SPEF2: variants seen among roughly 807,000 people sequenced by gnomAD.
The protein encoded by SPEF2 is sperm flagella and cilia-associated protein 2.
Under a neutral mutation model 224.6 loss-of-function variants are expected in SPEF2, and 187 were observed. That is an observed-to-expected ratio of 0.83 (90% CI 0.74 to 0.94). The LOEUF is 0.94. Among genes scored for constraint, SPEF2 ranks in the 40% least tolerant of loss-of-function variants. The pLI is 0.00. For missense variants in SPEF2, 2,170 were observed against 2,135.6 expected (o/e 1.02, Z -0.32); for synonymous variants, 715 against 707.3 (o/e 1.01, Z -0.17).
chr5:35,725,411 C>G (rs1482697785), intron 20 of SPEF2, among the ~76,000 whole-genome samples: 1 of 152,042 alleles, frequency 6.6e-6, no homozygotes, highest in Non-Finnish European at 1.5e-5. Flanking sequence ...AAAATAATGC[C>G]TTTCTTAAAA....
At chr5:35,728,919 T>C (rs958961058) in intron 21 of SPEF2, among the ~76,000 whole-genome samples, 1 of 151,940 alleles carries the variant, frequency 6.6e-6, no homozygotes, top group Non-Finnish European at 1.5e-5. Flanking sequence ...AAGCAAGATA[T>C]AGAAGTGGGT....
chr5:35,814,236 G>A (rs1356550516), intron 36 of SPEF2, among the ~76,000 whole-genome samples: 1 of 152,156 alleles, frequency 6.6e-6, no homozygotes, highest in African/African-American at 2.4e-5. Context: ...CCATTATTAG[G>A]TGTGGAAACT....
chr5:35,693,123 T>C (rs906882227), intron 12 of SPEF2, among the ~76,000 whole-genome samples: 2 of 151,974 alleles, frequency 1.3e-5, no homozygotes, highest in Non-Finnish European at 2.9e-5. Context: ...GGGTGGCATA[T>C]GATTGTTTTA....
chr5:35,735,148 T>G (rs1254888007), intron 21 of SPEF2, among the ~76,000 whole-genome samples: 1 of 152,220 alleles, frequency 6.6e-6, no homozygotes, highest in Non-Finnish European at 1.5e-5. Context: ...CCAGCAACTC[T>G]GCCTTATTCA....
chr5:35,747,121 T>C (rs1347858267), intron 23 of SPEF2, among the ~76,000 whole-genome samples: 1 of 152,144 alleles, frequency 6.6e-6, no homozygotes, highest in Non-Finnish European at 1.5e-5. Flanking sequence ...AAACAAATGC[T>C]GAGAGAATTT....
intron 9 of SPEF2, among the ~76,000 whole-genome samples, chr5:35,669,587 T>C (rs1750953605): frequency 6.6e-6 from 1 of 152,126 alleles, no homozygotes; most frequent in Admixed American, 6.6e-5. Flanking sequence ...TAGTAAAATG[T>C]CCGGAACTTA....
intron 10 of SPEF2, chr5:35,676,045 C>T (rs1751957771): frequency 4.4e-6 from 2 of 455,902 alleles, no homozygotes; most frequent in Non-Finnish European, 8.8e-6. Flanking sequence ...GTATCAAGTT[C>T]AAGACGTTAG....
intron 24 of SPEF2, among the ~76,000 whole-genome samples, chr5:35,757,261 T>G (rs369886155): frequency 6.6e-6 from 1 of 152,172 alleles, no homozygotes. Context: ...AATTATGCCT[T>G]CTAAAAATAA....
chr5:35,621,253 ATAAT>A (rs1743468564), intron 1 of SPEF2, among the ~76,000 whole-genome samples: 1 of 152,212 alleles, frequency 6.6e-6, no homozygotes. Flanking sequence ...AGAATAATAA[ATAAT>A]TAAAGTTATC....
chr5:35,651,171 T>C (rs1029371572), intron 6 of SPEF2, among the ~76,000 whole-genome samples: 1 of 152,212 alleles, frequency 6.6e-6, no homozygotes, highest in Non-Finnish European at 1.5e-5. Flanking sequence ...TTATATCTTA[T>C]TGGAGAGCAT....
intron 10 of SPEF2, among the ~76,000 whole-genome samples, chr5:35,683,104 A>G (rs1753065438): frequency 6.6e-6 from 1 of 152,174 alleles, no homozygotes; most frequent in African/African-American, 2.4e-5. Context: ...CAAAAAACTA[A>G]AAAGATATGA....
intron 36 of SPEF2, among the ~76,000 whole-genome samples, chr5:35,810,752 G>T (rs1420850375): frequency 1.3e-5 from 2 of 152,216 alleles, no homozygotes; most frequent in African/African-American, 4.8e-5. Context: ...CCACCCAGCA[G>T]CAGGGTGTCT....
At chr5:35,624,857 G>T (rs998276704) in intron 1 of SPEF2, among the ~76,000 whole-genome samples, 1 of 152,058 alleles carries the variant, frequency 6.6e-6, no homozygotes, top group South Asian at 2.1e-4. Context: ...GGCTGGTCTC[G>T]AACTCCTGAC....
At chr5:35,711,004 C>T (rs1436499532) in intron 19 of SPEF2, among the ~76,000 whole-genome samples, 2 of 152,172 alleles carry the variant, frequency 1.3e-5, no homozygotes, top group African/African-American at 2.4e-5. Context: ...GACAGCACTG[C>T]CCCTGCAGCT....
At position 35,617,893 on chromosome 5, in the gene SPEF2, C is replaced by T; in HGVS notation, c.-105C>T. The T allele has an allele frequency of 3.6e-6, 4 of 1,099,312 alleles. No individual in the cohort carries two copies. In the South Asian group the frequency reaches 4.0e-5, roughly 11 times the overall value. The allele number at this position is 1,099,312 out of a possible 1,614,324, so 68.1% of individuals were successfully genotyped here. On this transcript the variant is annotated 5_prime_UTR_variant, in exon 1 of 37. Coordinates refer to ENST00000356031, the MANE Select transcript of SPEF2 (RefSeq NM_024867.4). ...GCCTAGTTCCAGCCTGGATACGCTT[C>T]CATAGCAAAGGGTTGCCCTTGGCTA...
chr5:35,806,617 G>T (rs1758095890), intron 34 of SPEF2, 90 bp from the exon 35 acceptor site: 1 of 1,474,586 alleles, frequency 6.8e-7, no homozygotes, highest in African/African-American at 1.4e-5. Context: ...CATGAAAAGT[G>T]TGTGATTATG....
At chr5:35,742,882 T>C (rs1271939050) in intron 23 of SPEF2, among the ~76,000 whole-genome samples, 1 of 151,928 alleles carries the variant, frequency 6.6e-6, no homozygotes, top group Non-Finnish European at 1.5e-5. Context: ...TTTATAGCTT[T>C]TTTTGTGATC....
intron 26 of SPEF2, among the ~76,000 whole-genome samples, chr5:35,771,145 A>C (rs928237396): frequency 2.0e-5 from 3 of 151,330 alleles, no homozygotes; most frequent in African/African-American, 4.9e-5. Flanking sequence ...AATTTTATGA[A>C]TGCAAATAAA....
intron 10 of SPEF2, among the ~76,000 whole-genome samples, chr5:35,681,950 A>T (rs1752877679): frequency 6.6e-6 from 1 of 152,218 alleles, no homozygotes; most frequent in African/African-American, 2.4e-5. Flanking sequence ...TAGCTAAAGA[A>T]AGGTCCATCA....
Sources: gnomAD v4.1 joint callset for allele counts (sites outside exome capture counted in the v4.1 genomes callset) on GRCh38, gnomAD v4.1.1 for gene constraint, MANE v1.5 for transcripts, NCBI Gene and HGNC (gene_info 2026-07-23, HGNC 2026-07-21) for gene names.